The following SYNDIG1 variants were observed in gnomAD, a reference collection of about 807,000 sequenced individuals.
SYNDIG1 encodes synapse differentiation inducing 1, also known as synapse differentiation-inducing gene protein 1.
In SYNDIG1, 9 loss-of-function variants were observed where a neutral mutation model predicts 19.4. The observed-to-expected ratio is 0.46, with a 90% CI of 0.28 to 0.81. The LOEUF (loss-of-function observed/expected upper bound fraction) is 0.81, where lower values mean the gene tolerates loss of function less well. Ranked by LOEUF, SYNDIG1 falls within the 30% of genes least tolerant of loss-of-function variation. The pLI is 0.12. For synonymous variants in SYNDIG1, 141 were observed against 145.9 expected, an observed-to-expected ratio of 0.97 and a Z score of 0.24; for missense variants, 311 against 343.3, an observed-to-expected ratio of 0.91 and a Z score of 0.74.
Position 24,498,903 on chromosome 20 carries a change from C to G in SYNDIG1, c.-79+29150C>G, listed in dbSNP as rs908991854. 2.0e-5 allele frequency among the ~76,000 whole-genome samples: 3 copies of G among 152,140 alleles called. No individual in the cohort carries two copies. In the South Asian group the frequency reaches 6.2e-4, roughly 32 times the overall value. ...GGTGTGCGGCATCCAGATGCACAAC[C>G]AGAAGCAGGATTGCCAGGTCATAGG... On this transcript the variant is annotated intron_variant, in intron 1 of 3. Coordinates refer to ENST00000376862, the MANE Select transcript of SYNDIG1 (RefSeq NM_024893.3).
At chr20:24,659,834 C>T (rs904474243) in intron 3 of SYNDIG1, among the ~76,000 whole-genome samples, 3 of 152,216 alleles carry the variant, frequency 2.0e-5, no homozygotes, top group Non-Finnish European at 4.4e-5. Context: ...CAAGATTTTA[C>T]AAGTTTTATA....
chr20:24,640,131 C>G (rs1033758447), intron 3 of SYNDIG1, among the ~76,000 whole-genome samples: 2 of 152,052 alleles, frequency 1.3e-5, no homozygotes, highest in Non-Finnish European at 2.9e-5. Flanking sequence ...GTCAGGAGTT[C>G]GAGACTAGCC....
intron 2 of SYNDIG1, among the ~76,000 whole-genome samples, chr20:24,576,538 C>A (rs981706690): frequency 6.6e-6 from 1 of 152,142 alleles, no homozygotes; most frequent in Non-Finnish European, 1.5e-5. Flanking sequence ...TGGGTCAAGG[C>A]GGGGCTCTGA....
At chr20:24,547,464 T>C (rs182174887) in intron 2 of SYNDIG1, among the ~76,000 whole-genome samples, 108 of 152,282 alleles carry the variant, frequency 7.1e-4, no homozygotes, top group African/African-American at 2.3e-3. Context: ...CCACCTTAAG[T>C]CGCCAAGTAG....
At chr20:24,493,417 GCA>G (rs572635529) in intron 1 of SYNDIG1, among the ~76,000 whole-genome samples, 11 of 151,978 alleles carry the variant, frequency 7.2e-5, no homozygotes, top group East Asian at 1.9e-4. Context: ...CACATGCTTG[GCA>G]CACACAGGTA....
chr20:24,540,985 GT>G, intron 1 of SYNDIG1, among the ~76,000 whole-genome samples: 1 of 152,244 alleles, frequency 6.6e-6, no homozygotes, highest in Non-Finnish European at 1.5e-5. Flanking sequence ...TTCTTTAAAT[GT>G]TTGCTACAAT....
chr20:24,515,602 A>T (rs1412927884), intron 1 of SYNDIG1, among the ~76,000 whole-genome samples: 2 of 152,004 alleles, frequency 1.3e-5, no homozygotes, highest in East Asian at 3.9e-4. Context: ...CTTCAAAGAG[A>T]ATAAAATACC....
At position 24,517,730 on chromosome 20, in the gene SYNDIG1, ATATT is replaced by A. The variant is rs1004050157; in HGVS notation, c.-78-25289_-78-25286del. Among the ~76,000 whole-genome samples the A allele has an allele frequency of 3.4e-5, 5 of 146,320 alleles. No homozygotes were observed. The East Asian group carries it at 7.9e-4, about 23-fold the overall frequency. The stretch of plus-strand genomic sequence containing the variant: ...TGTGTATATATATGTGTATGTATAT[ATATT>A]ATATATGTGTATGTGTGTGTGTGTG... On this transcript the variant is annotated intron_variant, in intron 1 of 3. Transcript: ENST00000376862.
At chr20:24,611,950 T>C (rs768992302) in intron 3 of SYNDIG1, among the ~76,000 whole-genome samples, 1 of 152,234 alleles carries the variant, frequency 6.6e-6, no homozygotes, top group African/African-American at 2.4e-5. Flanking sequence ...TGTAATTGCA[T>C]GTCTTAATGA....
intron 1 of SYNDIG1, among the ~76,000 whole-genome samples, chr20:24,512,654 G>T (rs2056774953): frequency 6.6e-6 from 1 of 152,098 alleles, no homozygotes; most frequent in Admixed American, 6.5e-5. Flanking sequence ...CAAATTGGGT[G>T]GAGCTCAAAG....
At chr20:24,555,718 C>T (rs1034716711) in intron 2 of SYNDIG1, among the ~76,000 whole-genome samples, 4 of 152,092 alleles carry the variant, frequency 2.6e-5, no homozygotes, top group African/African-American at 9.7e-5. Flanking sequence ...GAGAGCTTTA[C>T]TTCCAAGTAT....
chr20:24,497,314 C>T (rs995071227), intron 1 of SYNDIG1, among the ~76,000 whole-genome samples: 5 of 152,222 alleles, frequency 3.3e-5, no homozygotes, highest in African/African-American at 1.2e-4. Context: ...AATTCTTGTG[C>T]CTTGGCCACA....
intron 1 of SYNDIG1, among the ~76,000 whole-genome samples, chr20:24,510,884 A>G (rs1470145925): frequency 6.6e-6 from 1 of 152,094 alleles, no homozygotes; most frequent in East Asian, 1.9e-4. Flanking sequence ...CATAATTTCC[A>G]TATTATGCTG....
At chr20:24,477,481 A>G (rs1367651574) in intron 1 of SYNDIG1, among the ~76,000 whole-genome samples, 1 of 152,020 alleles carries the variant, frequency 6.6e-6, no homozygotes, top group Non-Finnish European at 1.5e-5. Context: ...CTGTTCTGCT[A>G]CTTCAGCCTT....
intron 1 of SYNDIG1, among the ~76,000 whole-genome samples, chr20:24,535,883 C>T (rs1056038364): frequency 6.6e-6 from 1 of 152,170 alleles, no homozygotes; most frequent in Admixed American, 6.5e-5. Context: ...CATTTTGATT[C>T]TGACAACTTT....
chr20:24,519,106 C>T (rs978559440), intron 1 of SYNDIG1, among the ~76,000 whole-genome samples: 4 of 152,208 alleles, frequency 2.6e-5, no homozygotes, highest in African/African-American at 4.8e-5. Context: ...TCAGTCAGCA[C>T]GCTGATTAAC....
chr20:24,597,212 T>C (rs1178925822), intron 3 of SYNDIG1: 1 of 152,172 alleles, frequency 6.6e-6, no homozygotes, highest in Non-Finnish European at 1.5e-5. Context: ...TGGATGTCCA[T>C]TGTACATTTG....
At chr20:24,553,912 T>A (rs1192634482) in intron 2 of SYNDIG1, among the ~76,000 whole-genome samples, 1 of 152,230 alleles carries the variant, frequency 6.6e-6, no homozygotes, top group Non-Finnish European at 1.5e-5. Context: ...TATGGCCATT[T>A]TCACGATATT....
At position 24,547,465 on chromosome 20, in the gene SYNDIG1, C is replaced by T. The variant is rs187787866; in HGVS notation, c.480+3888C>T. Among the ~76,000 whole-genome samples, 16 of 152,224 alleles carry T rather than the reference C, an allele frequency of 1.1e-4. No homozygotes were observed. The East Asian group carries it at 1.2e-3, about 11-fold the overall frequency. On this transcript the variant is annotated intron_variant, in intron 2 of 3. Coordinates refer to ENST00000376862, the MANE Select transcript of SYNDIG1 (RefSeq NM_024893.3). ...TGATCTGTCCTGCTCCACCTTAAGT[C>T]GCCAAGTAGAGCATGGCTTGACATT...
Sources: gnomAD v4.1 joint callset for allele counts (sites outside exome capture counted in the v4.1 genomes callset) on GRCh38, gnomAD v4.1.1 for gene constraint, MANE v1.5 for transcripts, NCBI Gene and HGNC (gene_info 2026-07-23, HGNC 2026-07-21) for gene names.